Variants in EFCAB9 observed in about 807,000 individuals in gnomAD.
EFCAB9 encodes the protein EF-hand calcium binding domain 9.
In EFCAB9, 16 loss-of-function variants were observed where a neutral mutation model predicts 15.6. The observed-to-expected ratio is 1.03, with a 90% CI of 0.69 to 1.56. EFCAB9 has a LOEUF of 1.56. EFCAB9 is among the 40% of genes most tolerant of loss of function. The probability of loss-of-function intolerance (pLI) is 0.00; values close to 1 mark genes in which losing one functional copy is unlikely to be tolerated. For synonymous variants in EFCAB9, 76 were observed against 85.4 expected (o/e 0.89, Z 0.61); for missense variants, 208 against 235.4 (o/e 0.88, Z 0.76).
chr5:172,194,454 C>G lies in EFCAB9; in HGVS notation c.136+146C>G, dbSNP rs1017135796. ...TCGCTCTATTGCCCAGGCTGGAGTA[C>G]GATGGCGCGATCTCAGCTCACTGCA... is the stretch of plus-strand genomic sequence containing the variant. On this transcript the variant is annotated intron_variant, in intron 1 of 3. Transcript: ENST00000398186. 2.8e-6 allele frequency: 3 copies of G among 1,077,084 alleles called. No homozygotes were observed. In the South Asian group the frequency reaches 5.1e-5, roughly 18 times the overall value. The allele number at this position is 1,077,084 out of a possible 1,614,324, so 66.7% of individuals were successfully genotyped here.
At chr5:172,195,262 C>G (rs1771141144) in intron 1 of EFCAB9, among the ~76,000 whole-genome samples, 1 of 151,876 alleles carries the variant, frequency 6.6e-6, no homozygotes, top group South Asian at 2.1e-4. Flanking sequence ...AATAGAAGTC[C>G]AATTAAACAC....
rs374268984 is a variant in EFCAB9 at position 172,198,850 on chromosome 5, G to A, written c.137-533G>A. 4.4e-4 allele frequency among the ~76,000 whole-genome samples: 67 copies of A among 152,276 alleles called. No homozygotes were observed. In the South Asian group the frequency reaches 7.5e-3, roughly 17 times the overall value. ...AGGCTGGTCTCAAACTCCTGACCTC[G>A]TGATTTGCCCGCCTTGGCCTCCCAA... On this transcript the variant is annotated intron_variant, in intron 1 of 3. Coordinates refer to ENST00000398186, the MANE Select transcript of EFCAB9 (RefSeq NM_001171183.2).
intron 3 of EFCAB9, among the ~76,000 whole-genome samples, chr5:172,202,164 C>G (rs1296584582): frequency 6.6e-6 from 1 of 151,608 alleles, no homozygotes; most frequent in Non-Finnish European, 1.5e-5. Flanking sequence ...CACGGTGAAA[C>G]CCCATCTCTA....
chr5:172,195,547 C>T lies in EFCAB9; in HGVS notation c.136+1239C>T, dbSNP rs114341281. Reference sequence around the variant, plus strand: ...TGTAAATAAAAGGCTGAGATGGAAACGCAGGGCTCTCTGCCTGCAAAGCCC... The same window carrying T: ...TGTAAATAAAAGGCTGAGATGGAAATGCAGGGCTCTCTGCCTGCAAAGCCC... On this transcript the variant is annotated intron_variant, in intron 1 of 3. Coordinates refer to ENST00000398186, the MANE Select transcript of EFCAB9 (RefSeq NM_001171183.2). Among the ~76,000 whole-genome samples, 569 of 152,280 alleles carry T rather than the reference C, an allele frequency of 3.7e-3. 2 individuals carry two copies. Among genetic ancestry groups the T allele is most frequent in the African/African-American group, 0.013 (548 of 41,554 alleles).
At chr5:172,202,948 G>A (rs1012760220) in intron 3 of EFCAB9, among the ~76,000 whole-genome samples, 3 of 152,096 alleles carry the variant, frequency 2.0e-5, no homozygotes, top group African/African-American at 7.2e-5. Flanking sequence ...GCAGTGAGCC[G>A]AGATAGCGCC....
chr5:172,197,561 C>T (rs887595688), intron 1 of EFCAB9, among the ~76,000 whole-genome samples: 1 of 152,168 alleles, frequency 6.6e-6, no homozygotes, highest in Non-Finnish European at 1.5e-5. Flanking sequence ...CTGGTATCCC[C>T]ATTACAGTTT....
intron 1 of EFCAB9, among the ~76,000 whole-genome samples, chr5:172,198,094 T>C (rs1173739506): frequency 6.6e-6 from 1 of 152,174 alleles, no homozygotes; most frequent in African/African-American, 2.4e-5. Flanking sequence ...AAAATCCTCT[T>C]GCAAGACAGA....
At chr5:172,200,405 T>C (rs898317840) in intron 2 of EFCAB9, among the ~76,000 whole-genome samples, 161 bp from the exon 3 acceptor site, 2 of 152,238 alleles carry the variant, frequency 1.3e-5, no homozygotes, top group African/African-American at 4.8e-5. Flanking sequence ...TGGGACTTGC[T>C]GCATTTGCTG....
At chr5:172,203,193 T>TTCTC in intron 3 of EFCAB9, 21 bp from the exon 4 acceptor site, 1 of 1,459,964 alleles carries the variant, frequency 6.8e-7, no homozygotes, top group Non-Finnish European at 9.0e-7. Flanking sequence ...AATTTTTCTT[T>TTCTC]CCCCCCCACC....
rs562418226 is a variant in EFCAB9 at position 172,203,190 on chromosome 5, C to CTT, written c.463-22_463-21dup. The CTT allele has an allele frequency of 1.5e-3, 2,140 of 1,454,424 alleles. 3 individuals carry two copies. The highest frequency in any genetic ancestry group is 4.8e-3 in the African/African-American group (327 of 67,592). The allele number at this position is 1,454,424 out of a possible 1,614,324, so 90.1% of individuals were successfully genotyped here. A position where few individuals can be genotyped will look rare whatever the true frequency, so the allele number is the denominator to read the frequency against. ...TGAAGTTTTTCCTGAAATAATTTTTCTTTCCCCCCCACCCTAACCAAAGCG... is the reference window on the plus strand; with the variant it reads ...TGAAGTTTTTCCTGAAATAATTTTTCTTTTTCCCCCCCACCCTAACCAAAGCG... On this transcript the variant is annotated intron_variant, in intron 3 of 3. Transcript: ENST00000398186.
chr5:172,196,119 C>G (rs1418178070), intron 1 of EFCAB9, among the ~76,000 whole-genome samples: 1 of 152,044 alleles, frequency 6.6e-6, no homozygotes, highest in Non-Finnish European at 1.5e-5. Flanking sequence ...AGCTATCACA[C>G]CCGGCCTCAA....
chr5:172,199,602 T>C (rs745569787), intron 2 of EFCAB9, 71 bp downstream of exon 2: 2 of 1,493,770 alleles, frequency 1.3e-6, no homozygotes, highest in African/African-American at 2.8e-5. Context: ...ATCAGAAGTT[T>C]TCCTCCTTTC....
At position 172,194,643 on chromosome 5, in the gene EFCAB9, C is replaced by A. The variant is rs148572460; in HGVS notation, c.136+335C>A. ...CAAACTCCTGACATCAGGTGATCCA[C>A]CCGCCTCCGCCTCCCTAAGTACTGG... On this transcript the variant is annotated intron_variant, in intron 1 of 3. Transcript: ENST00000398186. Among the ~76,000 whole-genome samples, 487 of 152,244 alleles carry A rather than the reference C, an allele frequency of 3.2e-3. 1 individual carries two copies. Among genetic ancestry groups the A allele is most frequent in the African/African-American group, 0.011 (467 of 41,550 alleles).
rs1421652868 is a variant in EFCAB9 at position 172,194,234 on chromosome 5, T to C, written c.62T>C (p.Leu21Ser). ...TATCTGGACAAAATATACTGCTTAT[T>C]ATCCGTGAGAAACGTGAAGGCTTTG... ...YLYLDKIYCL[L>S]SVRNVKALAE... is the part of the protein sequence containing the mutation. Residue 21 changes from leucine (L) to serine (S), a missense_variant, in exon 1 of 4, where the codon TTA becomes TCA. By Grantham distance (145) the Leu-to-Ser change is moderately radical (BLOSUM62 -2). Transcript: ENST00000398186. 1 of 1,537,836 alleles carries C rather than the reference T, an allele frequency of 6.5e-7. No individual in the cohort carries two copies. The highest frequency in any genetic ancestry group is 8.7e-7 in the Non-Finnish European group (1 of 1,147,040).
chr5:172,199,932 C>CTTTTTTT (rs34086491), intron 2 of EFCAB9, among the ~76,000 whole-genome samples: 9 of 102,346 alleles, frequency 8.8e-5, no homozygotes, highest in East Asian at 3.2e-4. Flanking sequence ...ACCCAGTTTC[C>CTTTTTTT]TTTTTTTTTT....
rs138801904 is a variant in EFCAB9 at position 172,201,705 on chromosome 5, A to G, written c.462+963A>G. Among the ~76,000 whole-genome samples the G allele has an allele frequency of 6.3e-3, 961 of 152,276 alleles. 11 individuals are homozygous for G. Among genetic ancestry groups the G allele is most frequent in the South Asian group, 0.015 (71 of 4,822 alleles). On this transcript the variant is annotated intron_variant, in intron 3 of 3. Transcript: ENST00000398186. ...AGGAAGAGATTATATGATGAATGGG[A>G]GCATGTGAGCATAATCCTAAAGGCT...
At position 172,200,510 on chromosome 5, in the gene EFCAB9, T is replaced by G. The variant is rs1581201225; in HGVS notation, c.286-56T>G. ...GAAGATATGTCTTGAGGAAACAAGTTTAGAAAGCAGCATCGACAACACTGT... is the reference window on the plus strand; with the variant it reads ...GAAGATATGTCTTGAGGAAACAAGTGTAGAAAGCAGCATCGACAACACTGT... On this transcript the variant is annotated intron_variant, in intron 2 of 3. Transcript: ENST00000398186. 18 of 1,478,638 alleles carry G rather than the reference T, an allele frequency of 1.2e-5. No individual in the cohort carries two copies. In the East Asian group the frequency reaches 4.5e-4, roughly 37 times the overall value. The allele number at this position is 1,478,638 out of a possible 1,614,324, so 91.6% of individuals were successfully genotyped here.
intron 1 of EFCAB9, among the ~76,000 whole-genome samples, chr5:172,195,147 T>C (rs1771137258): frequency 7.1e-6 from 1 of 141,440 alleles, no homozygotes; most frequent in Non-Finnish European, 1.5e-5. Context: ...TACTTGTGAA[T>C]GACCAAAAAT....
chr5:172,195,187 T>A (rs868491827), intron 1 of EFCAB9, among the ~76,000 whole-genome samples: 162 of 99,136 alleles, frequency 1.6e-3, no homozygotes, highest in African/African-American at 4.9e-3. Flanking sequence ...TAAATAAAAA[T>A]AAATAAATAA....
Sources: allele counts gnomAD v4.1 joint callset (sites outside exome capture counted in the v4.1 genomes callset), GRCh38; gene constraint gnomAD v4.1.1; transcripts MANE v1.5; gene names NCBI Gene and HGNC (gene_info 2026-07-23, HGNC 2026-07-21).